TOP1: variants seen among roughly 807,000 people sequenced by gnomAD.
The protein encoded by TOP1 is DNA topoisomerase I.
TOP1 carries 10 observed loss-of-function variants against 111.1 expected under a neutral mutation model. The observed-to-expected ratio is 0.09, with a 90% CI of 0.06 to 0.15. The LOEUF (loss-of-function observed/expected upper bound fraction) is 0.15, where lower values mean the gene tolerates loss of function less well. TOP1 is among the 10% of genes least tolerant of loss of function. The pLI, the probability that TOP1 is intolerant of heterozygous loss-of-function variation, is 1.00. For synonymous variants in TOP1, 271 were observed against 302.9 expected (o/e 0.89, Z 1.10); for missense variants, 474 against 926.7 (o/e 0.51, Z 6.34).
chr20:41,060,268 G>C (rs1425068662), intron 2 of TOP1, among the ~76,000 whole-genome samples: 1 of 152,226 alleles, frequency 6.6e-6, no homozygotes, highest in African/African-American at 2.4e-5. Flanking sequence ...TTGTCCAGCA[G>C]GTGAATGGGT....
chr20:41,050,899 A>AT (rs11484204), intron 2 of TOP1, among the ~76,000 whole-genome samples: 25,534 of 152,102 alleles, frequency 0.17, 3,245 homozygotes, highest in East Asian at 0.69. Flanking sequence ...GAGAATGTTG[A>AT]TTTTTTTAAA....
In TOP1 at chr20:41,123,139, A is replaced by G. The variant is rs2034447389; in HGVS notation, c.2196-56A>G. The G allele has an allele frequency of 2.9e-5, 35 of 1,206,416 alleles. No homozygotes were observed. Among genetic ancestry groups the G allele is most frequent in the Non-Finnish European group, 4.1e-5 (33 of 813,106 alleles). 74.7% of individuals were successfully genotyped at this position (1,206,416 alleles called of 1,614,324 possible). A position where few individuals can be genotyped will look rare whatever the true frequency, so the allele number is the denominator to read the frequency against. On this transcript the variant is annotated intron_variant, in intron 20 of 20. Coordinates refer to ENST00000361337, the MANE Select transcript of TOP1 (RefSeq NM_003286.4). The surrounding 1 kb of genome is among the most constrained non-coding windows in gnomAD (Gnocchi z 5.8). ...TGGAACATCTGACCCTGGGCCTCAGATATGGGCCATTGCTGAGTCACCCTA... is the reference window on the plus strand; with the variant it reads ...TGGAACATCTGACCCTGGGCCTCAGGTATGGGCCATTGCTGAGTCACCCTA...
Position 41,079,613 on chromosome 20 carries a change from T to C in TOP1, c.336-472T>C, listed in dbSNP as rs979215592. ...GTAGCTAGATATACATGTACGTTATTGCCACATTTTTAGAACTTTAAGGTA... is the reference window on the plus strand; with the variant it reads ...GTAGCTAGATATACATGTACGTTATCGCCACATTTTTAGAACTTTAAGGTA... On this transcript the variant is annotated intron_variant, in intron 5 of 20. Coordinates refer to ENST00000361337, the MANE Select transcript of TOP1 (RefSeq NM_003286.4). The surrounding 1 kb of genome is among the most constrained non-coding windows in gnomAD (Gnocchi z 4.0). Among the ~76,000 whole-genome samples the C allele has an allele frequency of 2.0e-5, 3 of 152,218 alleles. No individual in the cohort carries two copies. Among genetic ancestry groups the C allele is most frequent in the African/African-American group, 7.2e-5 (3 of 41,460 alleles).
chr20:41,043,766 C>T (rs369909113), intron 2 of TOP1, among the ~76,000 whole-genome samples: 1 of 152,202 alleles, frequency 6.6e-6, no homozygotes, highest in East Asian at 1.9e-4. Context: ...TGTAGTCACT[C>T]TCACTCTTCC....
Position 41,029,417 on chromosome 20 carries a change from T to A in TOP1, c.34-14T>A, listed in dbSNP as rs1288352865. The A allele has an allele frequency of 6.8e-7, 1 of 1,480,160 alleles. No individual in the cohort carries two copies. Among genetic ancestry groups the A allele is most frequent in the East Asian group, 2.6e-5 (1 of 37,788 alleles). The allele number at this position is 1,480,160 out of a possible 1,614,324, so 91.7% of individuals were successfully genotyped here. A position where few individuals can be genotyped will look rare whatever the true frequency, so the allele number is the denominator to read the frequency against. On this transcript the variant is annotated splice_polypyrimidine_tract_variant and intron_variant, in intron 1 of 20. Transcript: ENST00000361337. The surrounding 1 kb of genome is among the most constrained non-coding windows in gnomAD (Gnocchi z 6.1). ...GTGGCTGTTGTTTGATATTCTCTCCTTTTCTTTTTCCAGATCGAAGCGGAT... is the reference window on the plus strand; with the variant it reads ...GTGGCTGTTGTTTGATATTCTCTCCATTTCTTTTTCCAGATCGAAGCGGAT...
rs910088212 is a variant in TOP1 at position 41,058,845 on chromosome 20, A to T, written c.59-2549A>T. ...CGCTCGAAAACGCCAAGACAATTTA[A>T]TGGGGAAAGGGCCATCTTTTAAAAA... On this transcript the variant is annotated intron_variant, in intron 2 of 20. Transcript: ENST00000361337. The surrounding 1 kb of genome is among the most constrained non-coding windows in gnomAD (Gnocchi z 4.2). 2.0e-5 allele frequency among the ~76,000 whole-genome samples: 3 copies of T among 152,186 alleles called. No individual in the cohort carries two copies. The highest frequency in any genetic ancestry group is 7.2e-5 in the African/African-American group (3 of 41,450).
In TOP1 at chr20:41,030,616, C is replaced by A. The variant is rs1372434735; in HGVS notation, c.58+1161C>A. Reference sequence around the variant, plus strand: ...CTCATCCTTGCAGGCTTTCGAACAACCCTGTTGAAGGAGAAGTTACCTTCT... The same window carrying A: ...CTCATCCTTGCAGGCTTTCGAACAAACCTGTTGAAGGAGAAGTTACCTTCT... On this transcript the variant is annotated intron_variant, in intron 2 of 20. Transcript: ENST00000361337. The surrounding 1 kb of genome is among the most constrained non-coding windows in gnomAD (Gnocchi z 4.1). Among the ~76,000 whole-genome samples, 2 of 152,128 alleles carry A rather than the reference C, an allele frequency of 1.3e-5. No homozygotes were observed. Among genetic ancestry groups the A allele is most frequent in the African/African-American group, 4.8e-5 (2 of 41,420 alleles).
At chr20:41,073,244 G>A (rs917547867) in intron 3 of TOP1, 1 of 985,154 alleles carries the variant, frequency 1.0e-6, no homozygotes, top group African/African-American at 1.7e-5. Context: ...AGTGAAAATG[G>A]CTAACATTCT....
In TOP1 at chr20:41,081,230, A is replaced by G; in HGVS notation, c.497A>G (p.Glu166Gly). ...AAGAAGGAGAAGAAAAGAAAACTAG[A>G]AGAAGAAGAGGTTAGTAAAGAGACT... ...DTKKEKKRKL[E>G]EEEDGKLKKP... The change falls in exon 7 of 21, where the codon GAA becomes GGA. Residue 166 changes from glutamate (E) to glycine (G), a missense_variant. This residue lies in a region of TOP1 where 185 missense variants were observed against 226.3 expected (regional missense o/e 0.82). Coordinates refer to ENST00000361337, the MANE Select transcript of TOP1 (RefSeq NM_003286.4). 1 of 1,604,942 alleles carries G rather than the reference A, an allele frequency of 6.2e-7. No homozygotes were observed. The highest frequency in any genetic ancestry group is 8.5e-7 in the Non-Finnish European group (1 of 1,174,264).
At chr20:41,055,900 G>A (rs1033225285) in intron 2 of TOP1, among the ~76,000 whole-genome samples, 1 of 152,074 alleles carries the variant, frequency 6.6e-6, no homozygotes, top group African/African-American at 2.4e-5. Flanking sequence ...TTCTTGCCAT[G>A]CCCTCACATA....
intron 2 of TOP1, among the ~76,000 whole-genome samples, chr20:41,041,437 C>CAAAAAAA (rs780663951): frequency 1.1e-5 from 1 of 89,008 alleles, no homozygotes; most frequent in South Asian, 4.1e-4. Context: ...GACCCTGTCT[C>CAAAAAAA]AAAAAAAAAA....
chr20:41,124,031 G>C lies in TOP1; in HGVS notation c.*734G>C, dbSNP rs1270582996. 4.9e-5 allele frequency: 11 copies of C among 222,906 alleles called. No individual in the cohort carries two copies. Among genetic ancestry groups the C allele is most frequent in the African/African-American group, 2.6e-4 (11 of 42,108 alleles). 13.8% of individuals were successfully genotyped at this position (222,906 alleles called of 1,614,324 possible). On this transcript the variant is annotated 3_prime_UTR_variant, in exon 21 of 21. Transcript: ENST00000361337. This position sits in a 1 kb window ranked among gnomAD's most constrained non-coding sequence, Gnocchi z 5.4. ...AGATTGGGGTTGGGGAGGGATGAAG[G>C]GCGAGTGAATCTAAGGATAATGAAA...
rs1330809138 is a variant in TOP1, at chr20:41,123,163, T to C, written c.2196-32T>C. ...GATATGGGCCATTGCTGAGTCACCC[T>C]AATCCCCCCCTTATTTCTCCTTTGT... On this transcript the variant is annotated intron_variant, in intron 20 of 20. Transcript: ENST00000361337. The surrounding 1 kb of genome is among the most constrained non-coding windows in gnomAD (Gnocchi z 5.8). The C allele has an allele frequency of 6.6e-7, 1 of 1,521,440 alleles. No individual in the cohort carries two copies. The highest frequency in any genetic ancestry group is 9.1e-7 in the Non-Finnish European group (1 of 1,096,482). 94.2% of individuals were successfully genotyped at this position (1,521,440 alleles called of 1,614,324 possible). A position where few individuals can be genotyped will look rare whatever the true frequency, so the allele number is the denominator to read the frequency against.
chr20:41,100,223 T>C lies in TOP1; in HGVS notation c.1143T>C (p.Asp381=). ...GMLKRRIMPE[D]IIINCSKDAK... Reference sequence around the variant, plus strand: ...TGAAGAGACGAATCATGCCCGAGGATATAATCATCAACTGTAGCAAGTGAG... The same window carrying C: ...TGAAGAGACGAATCATGCCCGAGGACATAATCATCAACTGTAGCAAGTGAG... Residue 381 remains aspartate, a synonymous_variant, in exon 12 of 21, where the codon GAT becomes GAC. Coordinates refer to ENST00000361337, the MANE Select transcript of TOP1 (RefSeq NM_003286.4). This position sits in a 1 kb window ranked among gnomAD's most constrained non-coding sequence, Gnocchi z 4.4. 1.2e-6 allele frequency: 2 copies of C among 1,613,600 alleles called. No individual in the cohort carries two copies. The highest frequency in any genetic ancestry group is 1.7e-6 in the Non-Finnish European group (2 of 1,179,774).
At position 41,092,634 on chromosome 20, in the gene TOP1, G is replaced by C. The variant is rs2033933588; in HGVS notation, c.730+47G>C. 3.2e-6 allele frequency: 3 copies of C among 925,020 alleles called. No individual in the cohort carries two copies. Among genetic ancestry groups the C allele is most frequent in the African/African-American group, 1.7e-5 (1 of 59,922 alleles). The allele number at this position is 925,020 out of a possible 1,614,324, so 57.3% of individuals were successfully genotyped here. A position where few individuals can be genotyped will look rare whatever the true frequency, so the allele number is the denominator to read the frequency against. On this transcript the variant is annotated intron_variant, in intron 9 of 20. Transcript: ENST00000361337. This position sits in a 1 kb window ranked among gnomAD's most constrained non-coding sequence, Gnocchi z 4.3. ...GATTCTTGGCCAGGAAAAGAAATCT[G>C]CTTCTATTTAGGGATAGAAAACAAG...
In TOP1 at chr20:41,112,156, G is replaced by A. The variant is rs957220838; in HGVS notation, c.1309-626G>A. ...TATGGCTGTTCCTGGAAGTCATTGT[G>A]TCCTTAGTAATTACATGTTGTAGTC... On this transcript the variant is annotated intron_variant, in intron 13 of 20. Coordinates refer to ENST00000361337, the MANE Select transcript of TOP1 (RefSeq NM_003286.4). This position sits in a 1 kb window ranked among gnomAD's most constrained non-coding sequence, Gnocchi z 5.8. Among the ~76,000 whole-genome samples the A allele has an allele frequency of 6.6e-6, 1 of 152,152 alleles. No homozygotes were observed. Among genetic ancestry groups the A allele is most frequent in the Non-Finnish European group, 1.5e-5 (1 of 68,020 alleles).
chr20:41,097,454 TTTG>T lies in TOP1; in HGVS notation c.852+118_852+120del. The T allele has an allele frequency of 8.9e-7, 1 of 1,119,550 alleles. No homozygotes were observed. The highest frequency in any genetic ancestry group is 1.6e-5 in the South Asian group (1 of 62,660). The allele number at this position is 1,119,550 out of a possible 1,614,324, so 69.4% of individuals were successfully genotyped here. A position where few individuals can be genotyped will look rare whatever the true frequency, so the allele number is the denominator to read the frequency against. On this transcript the variant is annotated intron_variant, in intron 10 of 20. Coordinates refer to ENST00000361337, the MANE Select transcript of TOP1 (RefSeq NM_003286.4). The surrounding 1 kb of genome is among the most constrained non-coding windows in gnomAD (Gnocchi z 4.2). ...GATGTAAAATTTGAGTTGTATGGAT[TTTG>T]TTGTATTTAAACTTGCGTATTTTTT...
rs1404132371 is a variant in TOP1, at chr20:41,067,244, C to T, written c.155+5754C>T. The stretch of plus-strand genomic sequence containing the variant: ...AAGCGATTCTCCTGCCTCAGCCTCC[C>T]GAGTAGCTGGGACTTACAGGCGCCT... On this transcript the variant is annotated intron_variant, in intron 3 of 20. Coordinates refer to ENST00000361337, the MANE Select transcript of TOP1 (RefSeq NM_003286.4). The surrounding 1 kb of genome is among the most constrained non-coding windows in gnomAD (Gnocchi z 4.0). Among the ~76,000 whole-genome samples the T allele has an allele frequency of 2.0e-5, 3 of 152,070 alleles. No homozygotes were observed. The highest frequency in any genetic ancestry group is 2.9e-5 in the Non-Finnish European group (2 of 68,000).
chr20:41,039,638 A>G (rs146007465), intron 2 of TOP1, among the ~76,000 whole-genome samples: 198 of 152,262 alleles, frequency 1.3e-3, no homozygotes, highest in African/African-American at 4.5e-3. Context: ...GGGCTTGGTA[A>G]TGGCTCATGC....
Sources: gnomAD v4.1 joint callset for allele counts (sites outside exome capture counted in the v4.1 genomes callset) on GRCh38, gnomAD v4.1.1 for gene constraint, gnomAD v4.1.1 regional missense constraint, Gnocchi (gnomAD v3.1) non-coding constraint, MANE v1.5 for transcripts, NCBI Gene and HGNC (gene_info 2026-07-23, HGNC 2026-07-21) for gene names.